CRACDL: variants seen among roughly 807,000 people sequenced by gnomAD.
CRACDL encodes the protein CRACD like.
In CRACDL, 26 loss-of-function variants were observed where a neutral mutation model predicts 70.6. That is an observed-to-expected ratio of 0.37 (90% CI 0.27 to 0.51). The LOEUF (loss-of-function observed/expected upper bound fraction) is 0.51, where lower values mean the gene tolerates loss of function less well. CRACDL is among the 20% of genes least tolerant of loss of function. CRACDL has a pLI of 0.94. For missense variants in CRACDL, 1,283 were observed against 1,376.9 expected (o/e 0.93, Z 1.08); for synonymous variants, 618 against 615.2 (o/e 1.00, Z -0.07).
chr2:98,879,788 C>T (rs1158567344), intron 1 of CRACDL, among the ~76,000 whole-genome samples: 3 of 152,228 alleles, frequency 2.0e-5, no homozygotes, highest in Admixed American at 1.3e-4. Flanking sequence ...CCAGGCAATC[C>T]GCCCGCCCTG....
At chr2:98,855,423 C>T (rs909395018) in intron 1 of CRACDL, among the ~76,000 whole-genome samples, 14 of 151,682 alleles carry the variant, frequency 9.2e-5, no homozygotes, top group African/African-American at 2.7e-4. Context: ...GGATATATCA[C>T]GAGGCAAAAT....
chr2:98,845,807 A>G (rs1471581875), intron 2 of CRACDL, among the ~76,000 whole-genome samples: 1 of 152,212 alleles, frequency 6.6e-6, no homozygotes, highest in African/African-American at 2.4e-5. Context: ...CTCATCTAAA[A>G]ACCCTCACCT....
At chr2:98,934,738 G>A (rs1709166726) in intron 1 of CRACDL, among the ~76,000 whole-genome samples, 1 of 152,140 alleles carries the variant, frequency 6.6e-6, no homozygotes, top group Admixed American at 6.5e-5. Context: ...CAAAATTTAA[G>A]GGGGTACCAA....
At chr2:98,876,802 C>T (rs1416193342) in intron 1 of CRACDL, among the ~76,000 whole-genome samples, 1 of 152,236 alleles carries the variant, frequency 6.6e-6, no homozygotes, top group Non-Finnish European at 1.5e-5. Context: ...GACTGTGAGC[C>T]TGTGAAGGAC....
chr2:98,804,418 T>A (rs1276197173), intron 7 of CRACDL, among the ~76,000 whole-genome samples: 3 of 152,262 alleles, frequency 2.0e-5, no homozygotes, highest in African/African-American at 7.2e-5. Flanking sequence ...GGTGTTGGCA[T>A]GGTCATTTGC....
chr2:98,913,126 T>A (rs1331302022), intron 1 of CRACDL: 1 of 152,194 alleles, frequency 6.6e-6, no homozygotes, highest in Non-Finnish European at 1.5e-5. Context: ...CCTCCAGAAG[T>A]TCAATGCAAT....
rs561776608 is a variant in CRACDL, at chr2:98,821,175, T to G, written c.2416+682A>C. ...TATTTATTTTCCCTTTTCTACTCTT[T>G]ATTCCTTATTTTATCTCTCTCTTTT... is the stretch of plus-strand genomic sequence containing the variant. On this transcript the variant is annotated intron_variant, in intron 7 of 9. Transcript: ENST00000397899. Among the ~76,000 whole-genome samples, 14 of 152,304 alleles carry G rather than the reference T, an allele frequency of 9.2e-5. No homozygotes were observed. In the South Asian group the frequency reaches 2.9e-3, roughly 32 times the overall value.
rs1054801134 is a variant in CRACDL at position 98,818,679 on chromosome 2, G to T, written c.2416+3178C>A. Reference sequence around the variant, plus strand: ...TGCTTCTAGCTAATGTAATTTGGGAGCAATGAGAATGATAATAGTAGAAGT... The same window carrying T: ...TGCTTCTAGCTAATGTAATTTGGGATCAATGAGAATGATAATAGTAGAAGT... On this transcript the variant is annotated intron_variant, in intron 7 of 9. Coordinates refer to ENST00000397899, the MANE Select transcript of CRACDL (RefSeq NM_207362.3). Among the ~76,000 whole-genome samples, 9 of 152,218 alleles carry T rather than the reference G, an allele frequency of 5.9e-5. 1 individual carries two copies. Among genetic ancestry groups the T allele is most frequent in the Admixed American group, 4.6e-4 (7 of 15,278 alleles).
intron 3 of CRACDL, among the ~76,000 whole-genome samples, chr2:98,835,198 C>T (rs189079264): frequency 6.6e-6 from 1 of 152,278 alleles, no homozygotes; most frequent in East Asian, 1.9e-4. Context: ...TTGGAAATAT[C>T]AGCAAATTAA....
intron 7 of CRACDL, among the ~76,000 whole-genome samples, chr2:98,806,744 C>T (rs557949973): frequency 2.6e-5 from 4 of 152,246 alleles, no homozygotes; most frequent in East Asian, 1.9e-4. Flanking sequence ...AGCTAGAGCA[C>T]GATTGAGAAA....
rs559660437 is a variant in CRACDL at position 98,897,458 on chromosome 2, T to C, written c.-11+38480A>G. ...AGCATACCAGATTCATTACATGGAGTATGCAGAAAATCAGTGACTTCTGCT... is the reference window on the plus strand; with the variant it reads ...AGCATACCAGATTCATTACATGGAGCATGCAGAAAATCAGTGACTTCTGCT... On this transcript the variant is annotated intron_variant, in intron 1 of 9. Transcript: ENST00000397899. 15 of 1,208,714 alleles carry C rather than the reference T, an allele frequency of 1.2e-5. No homozygotes were observed. The African/African-American group carries it at 2.0e-4, about 16-fold the overall frequency. 74.9% of individuals were successfully genotyped at this position (1,208,714 alleles called of 1,614,324 possible).
rs184208397 is a variant in CRACDL, at chr2:98,820,166, G to A, written c.2416+1691C>T. 6.6e-3 allele frequency among the ~76,000 whole-genome samples: 1,005 copies of A among 151,942 alleles called. 10 individuals carry two copies. The highest frequency in any genetic ancestry group is 7.3e-3 in the Non-Finnish European group (496 of 67,952). The stretch of plus-strand genomic sequence containing the variant: ...TTGTCATGGAAAACTTCTCCCTAGG[G>A]CCCCCATCACATGCACACACAACTT... On this transcript the variant is annotated intron_variant, in intron 7 of 9. Coordinates refer to ENST00000397899, the MANE Select transcript of CRACDL (RefSeq NM_207362.3).
intron 1 of CRACDL, among the ~76,000 whole-genome samples, chr2:98,916,625 C>T (rs1225936260): frequency 1.3e-5 from 2 of 152,088 alleles, no homozygotes; most frequent in South Asian, 2.1e-4. Flanking sequence ...TCCCTACTCC[C>T]ACACATAAAT....
intron 3 of CRACDL, among the ~76,000 whole-genome samples, chr2:98,836,554 G>A (rs973676750): frequency 1.3e-5 from 2 of 152,092 alleles, no homozygotes; most frequent in African/African-American, 4.8e-5. Flanking sequence ...TCAGCAAGCG[G>A]ACAGGACAAT....
At chr2:98,889,333 A>C (rs1462377455) in intron 1 of CRACDL, among the ~76,000 whole-genome samples, 1 of 140,932 alleles carries the variant, frequency 7.1e-6, no homozygotes, top group African/African-American at 2.6e-5. Flanking sequence ...GAAAGAAAGA[A>C]AGAAAGAAAG....
chr2:98,798,730 C>T (rs969260926), intron 7 of CRACDL, among the ~76,000 whole-genome samples: 10 of 151,306 alleles, frequency 6.6e-5, no homozygotes, highest in African/African-American at 2.2e-4. Context: ...CTCACTCTGA[C>T]ACCCAGGCTG....
In CRACDL at chr2:98,822,288, C is replaced by A; in HGVS notation, c.1985G>T (p.Gly662Val). The A allele has an allele frequency of 6.5e-7, 1 of 1,549,890 alleles. No individual in the cohort carries two copies. The highest frequency in any genetic ancestry group is 8.6e-7 in the Non-Finnish European group (1 of 1,158,312). ...GGCGGCTGGGCAGGGCTCTCTCGTG[C>A]CGGGCGCGGCGGCCGCCTCCTGAGG... ...KSPQEAAAAPGTREPCPAAQE... is the reference protein window; with the variant it reads ...KSPQEAAAAPVTREPCPAAQE... Residue 662 changes from glycine to valine, a missense_variant, in exon 7 of 10, where the codon GGC becomes GTC. This residue lies in a region of CRACDL where 921 missense variants were observed against 881.9 expected (regional missense o/e 1.04). Transcript: ENST00000397899. The surrounding 1 kb of genome is among the most constrained non-coding windows in gnomAD (Gnocchi z 4.9).
At chr2:98,864,255 T>C (rs564686901) in intron 1 of CRACDL, among the ~76,000 whole-genome samples, 82 of 152,292 alleles carry the variant, frequency 5.4e-4, no homozygotes, top group Middle Eastern at 3.4e-3. Flanking sequence ...TGATATATGC[T>C]ACAATCTGGA....
intron 3 of CRACDL, among the ~76,000 whole-genome samples, chr2:98,836,181 C>A (rs377536691): frequency 6.6e-6 from 1 of 152,146 alleles, no homozygotes; most frequent in African/African-American, 2.4e-5. Context: ...GAAGCACAAC[C>A]GCACAGACAC....
Sources: gnomAD v4.1 joint callset for allele counts (sites outside exome capture counted in the v4.1 genomes callset) on GRCh38, gnomAD v4.1.1 for gene constraint, gnomAD v4.1.1 regional missense constraint, Gnocchi (gnomAD v3.1) non-coding constraint, MANE v1.5 for transcripts, NCBI Gene and HGNC (gene_info 2026-07-23, HGNC 2026-07-21) for gene names.